The following BLNK variants were observed in gnomAD, a reference collection of about 807,000 sequenced individuals.
The protein encoded by BLNK is B-cell linker protein.
A neutral mutation model predicts 73.5 loss-of-function variants in BLNK; 29 were observed. That is an observed-to-expected ratio of 0.39 (90% confidence interval 0.29 to 0.54). The LOEUF (loss-of-function observed/expected upper bound fraction) is 0.54. Among genes scored for constraint, BLNK ranks in the 20% least tolerant of loss-of-function variants. The probability of loss-of-function intolerance (pLI) is 0.61; values close to 1 mark genes in which losing one functional copy is unlikely to be tolerated. For missense variants in BLNK, 460 were observed against 562.8 expected (o/e 0.82, Z 1.85); for synonymous variants, 176 against 200.8 (o/e 0.88, Z 1.04).
chr10:96,236,015 G>A (rs1449669747), intron 3 of BLNK, among the ~76,000 whole-genome samples: 1 of 152,104 alleles, frequency 6.6e-6, no homozygotes. Flanking sequence ...GACGAAAGCT[G>A]ATCCAGACCA....
chr10:96,204,419 T>C (rs2083740999), intron 12 of BLNK, 113 bp downstream of exon 12: 5 of 1,202,976 alleles, frequency 4.2e-6, no homozygotes, highest in Non-Finnish European at 6.2e-6. Context: ...AACAATGAAA[T>C]GTTGGATTTT....
Position 96,227,558 on chromosome 10 carries a change from G to A in BLNK, c.213C>T (p.Asp71=), listed in dbSNP as rs781866298. Residue 71 remains aspartate (D), a synonymous_variant, in exon 5 of 17, where the codon GAC becomes GAT. Transcript: ENST00000224337. ...EEQWSDDFDS[D]YENPDEHSDS... The stretch of plus-strand genomic sequence containing the variant: ...CCGAGTGCTCATCTGGATTTTCATA[G>A]TCGCTGTCCTGCAAGTGCAGATGCA... 1.9e-6 allele frequency: 3 copies of A among 1,614,092 alleles called. No homozygotes were observed. The highest frequency in any genetic ancestry group is 1.7e-5 in the Admixed American group (1 of 60,032).
At chr10:96,227,695 G>T in intron 4 of BLNK, 129 bp from the exon 5 acceptor site, 1 of 1,431,882 alleles carries the variant, frequency 7.0e-7, no homozygotes, top group Non-Finnish European at 9.7e-7. Flanking sequence ...ACTTCAAAAG[G>T]CTAGGCAGCC....
At chr10:96,212,268 A>C (rs182975944) in intron 8 of BLNK, among the ~76,000 whole-genome samples, 10 of 152,312 alleles carry the variant, frequency 6.6e-5, no homozygotes, top group Admixed American at 5.9e-4. Context: ...TGGCCCATGA[A>C]ACAATATTGT....
chr10:96,248,929 G>C (rs1843164637), intron 1 of BLNK, among the ~76,000 whole-genome samples: 1 of 150,994 alleles, frequency 6.6e-6, no homozygotes, highest in Non-Finnish European at 1.5e-5. Flanking sequence ...TGTATTATCT[G>C]TGTTATACAC....
intron 6 of BLNK, among the ~76,000 whole-genome samples, chr10:96,222,244 A>C (rs1198940617): frequency 6.6e-6 from 1 of 152,206 alleles, no homozygotes; most frequent in East Asian, 1.9e-4. Flanking sequence ...TTGGGCCTAG[A>C]TGCTGCATCT....
At chr10:96,266,471 G>A (rs1190345862) in intron 1 of BLNK, among the ~76,000 whole-genome samples, 1 of 152,230 alleles carries the variant, frequency 6.6e-6, no homozygotes, top group African/African-American at 2.4e-5. Context: ...GAGTGGGTGA[G>A]GAAGTTGCCT....
intron 5 of BLNK, among the ~76,000 whole-genome samples, chr10:96,225,281 T>C (rs782541136): frequency 7.9e-5 from 12 of 152,220 alleles, no homozygotes; most frequent in Non-Finnish European, 1.6e-4. Flanking sequence ...CACTGGCCTC[T>C]GGATTGCATC....
chr10:96,226,286 G>T (rs2134027548), intron 5 of BLNK, among the ~76,000 whole-genome samples: 1 of 152,362 alleles, frequency 6.6e-6, no homozygotes, highest in Non-Finnish European at 1.5e-5. Flanking sequence ...GCTTAGCATA[G>T]TTCTGGTGCA....
At chr10:96,226,883 A>C (rs1328888043) in intron 5 of BLNK, among the ~76,000 whole-genome samples, 3 of 151,908 alleles carry the variant, frequency 2.0e-5, no homozygotes, top group African/African-American at 7.2e-5. Context: ...AGCTGTGTCC[A>C]TTTAACCCAT....
chr10:96,224,262 C>A (rs587606213), intron 5 of BLNK, among the ~76,000 whole-genome samples: 3 of 152,266 alleles, frequency 2.0e-5, no homozygotes, highest in Admixed American at 1.3e-4. Context: ...ACCAACAACC[C>A]AACACTTGGC....
Position 96,238,521 on chromosome 10 carries a change from C to G in BLNK, c.163+4214G>C, listed in dbSNP as rs982411544. ...CTCTGGCCTCCACACACTACAGTTT[C>G]CAAGATCCTAAAGACTCCCCAGGTT... On this transcript the variant is annotated intron_variant, in intron 3 of 16. Coordinates refer to ENST00000224337, the MANE Select transcript of BLNK (RefSeq NM_013314.4). Among the ~76,000 whole-genome samples the G allele has an allele frequency of 2.6e-5, 4 of 152,296 alleles. No homozygotes were observed. In the East Asian group the frequency reaches 7.7e-4, roughly 29 times the overall value.
chr10:96,264,333 T>G, intron 1 of BLNK, among the ~76,000 whole-genome samples: 1 of 152,134 alleles, frequency 6.6e-6, no homozygotes, highest in East Asian at 1.9e-4. Flanking sequence ...GACGGAGTCT[T>G]GGTTAGGTGG....
chr10:96,234,123 TG>T (rs1433286093), intron 3 of BLNK, among the ~76,000 whole-genome samples: 2 of 152,250 alleles, frequency 1.3e-5, no homozygotes, highest in African/African-American at 4.8e-5. Context: ...CAGGCTGTGT[TG>T]GCTCCTGCAG....
intron 11 of BLNK, among the ~76,000 whole-genome samples, chr10:96,205,997 A>G (rs945554796): frequency 1.7e-4 from 26 of 152,346 alleles, no homozygotes; most frequent in Middle Eastern, 3.4e-3. Context: ...AGAAAAGACA[A>G]AAGCCTCAAA....
chr10:96,259,502 A>G (rs764049683), intron 1 of BLNK, among the ~76,000 whole-genome samples: 1 of 152,024 alleles, frequency 6.6e-6, no homozygotes, highest in Non-Finnish European at 1.5e-5. Context: ...ACCATAATCC[A>G]TGCATCCTTT....
At chr10:96,261,945 C>T (rs868906116) in intron 1 of BLNK, among the ~76,000 whole-genome samples, 2 of 152,112 alleles carry the variant, frequency 1.3e-5, no homozygotes, top group Non-Finnish European at 2.9e-5. Context: ...GGCTGGGGGT[C>T]ATTTCACTCT....
In BLNK at chr10:96,191,502, C is replaced by T. The variant is rs1408100320; in HGVS notation, c.*471G>A. ...AACCATTACATCCTTCTTGCCTATACTTACAGATATCATACATTACCTTTA... is the reference window on the plus strand; with the variant it reads ...AACCATTACATCCTTCTTGCCTATATTTACAGATATCATACATTACCTTTA... On this transcript the variant is annotated 3_prime_UTR_variant, in exon 17 of 17. Coordinates refer to ENST00000224337, the MANE Select transcript of BLNK (RefSeq NM_013314.4). 6.6e-6 allele frequency among the ~76,000 whole-genome samples: 1 copy of T among 152,024 alleles called. No individual in the cohort carries two copies. The highest frequency in any genetic ancestry group is 1.5e-5 in the Non-Finnish European group (1 of 68,006).
intron 1 of BLNK, among the ~76,000 whole-genome samples, chr10:96,260,325 G>A (rs782542927): frequency 6.6e-6 from 1 of 152,122 alleles, no homozygotes; most frequent in Non-Finnish European, 1.5e-5. Context: ...CAGCTGCACC[G>A]TGCATGTGTT....
Sources: gnomAD v4.1 joint callset for allele counts (sites outside exome capture counted in the v4.1 genomes callset) on GRCh38, gnomAD v4.1.1 for gene constraint, MANE v1.5 for transcripts, NCBI Gene and HGNC (gene_info 2026-07-23, HGNC 2026-07-21) for gene names.